PES1: variants seen among roughly 807,000 people sequenced by gnomAD.
PES1 encodes the protein pescadillo homolog.
In PES1, 31 loss-of-function variants were observed where a neutral mutation model predicts 77.1. The observed-to-expected ratio is 0.40, with a 90% CI of 0.30 to 0.54. PES1 has a LOEUF of 0.54. PES1 is among the 20% of genes least tolerant of loss of function. PES1 has a pLI of 0.45. For synonymous variants in PES1, 282 were observed against 303.0 expected, an observed-to-expected ratio of 0.93 and a Z score of 0.72; for missense variants, 658 against 771.7, an observed-to-expected ratio of 0.85 and a Z score of 1.75.
At position 30,587,363 on chromosome 22, in the gene PES1, C is replaced by T. The variant is rs776907764; in HGVS notation, c.291G>A (p.Gly97=). The change falls in exon 4 of 15, where the codon GGG becomes GGA. Residue 97 remains glycine (G), a synonymous_variant. Transcript: ENST00000354694. ...VFVRKLRKAY[G]KSEWNTVERL... ...GCTCTACAGTGTTCCACTCGCTCTT[C>T]CCATAAGCCTTCCGGAGCTTCCGGA... 1 of 1,614,080 alleles carries T rather than the reference C, an allele frequency of 6.2e-7. No homozygotes were observed. The highest frequency in any genetic ancestry group is 8.5e-7 in the Non-Finnish European group (1 of 1,179,974).
At chr22:30,587,434 A>C in intron 3 of PES1, 39 bp from the exon 4 acceptor site, 7 of 1,479,034 alleles carry the variant, frequency 4.7e-6, no homozygotes, top group African/African-American at 1.4e-5. Context: ...GCTGAGGCTC[A>C]GGTCTCCTGG....
At chr22:30,593,428 A>G (rs2087211654), upstream of PES1, among the ~76,000 whole-genome samples, 1 of 152,098 alleles carries the variant, frequency 6.6e-6, no homozygotes, top group African/African-American at 2.4e-5. Flanking sequence ...TAGATGTTGC[A>G]GTGAGCCAAG....
Position 30,579,956 on chromosome 22 carries a change from A to G in PES1, c.1170-21T>C, listed in dbSNP as rs547103271. On this transcript the variant is annotated intron_variant, in intron 11 of 14. Coordinates refer to ENST00000354694, the MANE Select transcript of PES1 (RefSeq NM_014303.4). The stretch of plus-strand genomic sequence containing the variant: ...AGCACCTGGCGCAGAGTGGCAGGCA[A>G]AAACGAGTCACAGAGGGCAACTCAG... The G allele has an allele frequency of 7.4e-6, 12 of 1,611,808 alleles. No individual in the cohort carries two copies. The East Asian group carries it at 8.9e-5, about 12-fold the overall frequency.
At chr22:30,585,038 A>C (rs558443280) in intron 4 of PES1, among the ~76,000 whole-genome samples, 1 of 152,154 alleles carries the variant, frequency 6.6e-6, no homozygotes, top group African/African-American at 2.4e-5. Context: ...CAGGGGCTCT[A>C]TGACTCTCTT....
intron 14 of PES1, among the ~76,000 whole-genome samples, chr22:30,577,876 G>A (rs1208109236): frequency 6.6e-6 from 1 of 152,232 alleles, no homozygotes; most frequent in Admixed American, 6.5e-5. Flanking sequence ...GAGGCGGGCA[G>A]GAACATGCTC....
chr22:30,597,759 C>G (rs2087278284), intron 2 of PES1, among the ~76,000 whole-genome samples: 1 of 152,020 alleles, frequency 6.6e-6, no homozygotes, highest in South Asian at 2.1e-4. Context: ...ACAGACCAAT[C>G]CGTTCTCTGT....
At chr22:30,598,462 C>T (rs1229711739) in intron 2 of PES1, 1 of 152,270 alleles carries the variant, frequency 6.6e-6, no homozygotes, top group Non-Finnish European at 1.5e-5. Flanking sequence ...TTTTTTCACT[C>T]TGTTTAGTAG....
At chr22:30,578,791 G>A in intron 14 of PES1, 46 bp downstream of exon 14, 1 of 1,602,512 alleles carries the variant, frequency 6.2e-7, no homozygotes, top group Non-Finnish European at 8.5e-7. Context: ...TGTGCAGTTG[G>A]GTCTGGTGGC....
At chr22:30,600,759 G>A (rs1318526581) in intron 2 of PES1, among the ~76,000 whole-genome samples, 1 of 152,178 alleles carries the variant, frequency 6.6e-6, no homozygotes, top group Non-Finnish European at 1.5e-5. Flanking sequence ...AGCTTGCAGT[G>A]AGCCGAGATC....
At chr22:30,596,746 G>A (rs1355417936), upstream of PES1, among the ~76,000 whole-genome samples, 3 of 152,198 alleles carry the variant, frequency 2.0e-5, no homozygotes, top group Non-Finnish European at 4.4e-5. Context: ...CGGCCTCGGC[G>A]CCCATTCTGG....
rs985772372 is a variant in PES1 at position 30,586,776 on chromosome 22, C to T, written c.368+510G>A. 3.3e-5 allele frequency among the ~76,000 whole-genome samples: 5 copies of T among 152,280 alleles called. No individual in the cohort carries two copies. The East Asian group carries it at 9.6e-4, about 29-fold the overall frequency. ...GTCAGCCTGGCCAACATGGGGAAAC[C>T]CAGTCTCTACTAAAAGTACAAAAAT... On this transcript the variant is annotated intron_variant, in intron 4 of 14. Coordinates refer to ENST00000354694, the MANE Select transcript of PES1 (RefSeq NM_014303.4).
At chr22:30,597,953 G>A (rs112541506) in intron 2 of PES1, among the ~76,000 whole-genome samples, 23,308 of 142,074 alleles carry the variant, frequency 0.16, 1,957 homozygotes, top group Middle Eastern at 0.19. Context: ...GCGGCATCTC[G>A]GCTCACTGCA....
chr22:30,597,761 G>A (rs2087278346), intron 2 of PES1, among the ~76,000 whole-genome samples: 1 of 151,776 alleles, frequency 6.6e-6, no homozygotes, highest in Non-Finnish European at 1.5e-5. Context: ...AGACCAATCC[G>A]TTCTCTGTAA....
intron 2 of PES1, among the ~76,000 whole-genome samples, chr22:30,599,021 C>T (rs77537832): frequency 0.092 from 13,789 of 149,508 alleles, 720 homozygotes; most frequent in Middle Eastern, 0.13. Context: ...TCTCAGCCTC[C>T]TGAGTAGCTG....
At chr22:30,596,930 GA>G (rs2087261530) in intron 2 of PES1, among the ~76,000 whole-genome samples, 1 of 149,940 alleles carries the variant, frequency 6.7e-6, no homozygotes, top group African/African-American at 2.4e-5. Context: ...GGGTGGGCGT[GA>G]GCTTGGCGGG....
Position 30,579,192 on chromosome 22 carries a change from T to C in PES1, c.1466A>G (p.Glu489Gly), listed in dbSNP as rs962067349. ...TGCCAGCCGGGCCTCTTCCTCCTTT[T>C]CTGAACCAGCCTCTGCATCTTCCTC... The part of the protein sequence containing the change: ...EEEEDAEAGS[E>G]KEEEARLAAL... Residue 489 changes from glutamate (E) to glycine (G), a missense_variant, in exon 13 of 15, where the codon GAA becomes GGA. Glu to Gly is a moderately conservative substitution (Grantham distance 98). Coordinates refer to ENST00000354694, the MANE Select transcript of PES1 (RefSeq NM_014303.4). The C allele has an allele frequency of 3.1e-6, 5 of 1,607,872 alleles. No homozygotes were observed. In the African/African-American group the frequency reaches 6.7e-5, roughly 21 times the overall value.
At chr22:30,581,214 G>A (rs2086981470) in intron 8 of PES1, 113 bp from the exon 9 acceptor site, 6 of 1,353,266 alleles carry the variant, frequency 4.4e-6, no homozygotes, top group Non-Finnish European at 6.2e-6. Context: ...GGTTCCAAGG[G>A]CAGGCTGAGA....
intron 4 of PES1, chr22:30,587,036 T>C: frequency 4.2e-6 from 2 of 471,928 alleles, no homozygotes; most frequent in Non-Finnish European, 7.6e-6. Flanking sequence ...TGCCATGGCC[T>C]CTGCTTGGAT....
intron 1 of PES1, chr22:30,606,782 A>G (rs2087455324): frequency 6.2e-6 from 6 of 961,348 alleles, no homozygotes; most frequent in Non-Finnish European, 7.4e-6. Flanking sequence ...GTGCTGAAAA[A>G]CAGCTGACTC....
Sources: gnomAD v4.1 joint callset for allele counts (sites outside exome capture counted in the v4.1 genomes callset) on GRCh38, gnomAD v4.1.1 for gene constraint, MANE v1.5 for transcripts, NCBI Gene and HGNC (gene_info 2026-07-23, HGNC 2026-07-21) for gene names.